The following DNMT3A variants were observed in gnomAD, a reference collection of about 807,000 sequenced individuals.
DNMT3A encodes DNA (cytosine-5)-methyltransferase 3A.
Under a neutral mutation model 117.6 loss-of-function variants are expected in DNMT3A, and 267 were observed. That is an observed-to-expected ratio of 2.27 (90% CI 2.05 to 2.51). DNMT3A has a LOEUF of 2.51. Ranked by LOEUF, DNMT3A falls within the 30% of genes most tolerant of loss-of-function variation. DNMT3A has a pLI of 0.00. For synonymous variants in DNMT3A, 432 were observed against 474.8 expected, an observed-to-expected ratio of 0.91 and a Z score of 1.17; for missense variants, 1,029 against 1,260.2, an observed-to-expected ratio of 0.82 and a Z score of 2.78.
At chr2:25,340,096 T>G (rs1319290051) in intron 1 of DNMT3A, among the ~76,000 whole-genome samples, 1 of 152,168 alleles carries the variant, frequency 6.6e-6, no homozygotes, top group Non-Finnish European at 1.5e-5. Flanking sequence ...CCCGCTGGTT[T>G]GGAGGGGGGG....
intron 1 of DNMT3A, among the ~76,000 whole-genome samples, chr2:25,329,673 CCACACACACACA>C (rs55905204): frequency 1.4e-4 from 20 of 138,392 alleles, no homozygotes; most frequent in East Asian, 2.0e-4. Context: ...CATGCAGACC[CCACACACACACA>C]CACACACACA....
In DNMT3A at chr2:25,241,631, C is replaced by T. The variant is rs1674047040; in HGVS notation, c.2013G>A (p.Thr671=). 4 of 1,614,180 alleles carry T rather than the reference C, an allele frequency of 2.5e-6. No homozygotes were observed. The highest frequency in any genetic ancestry group is 3.4e-6 in the Non-Finnish European group (4 of 1,180,024). Residue 671 remains threonine, a synonymous_variant, in exon 17 of 23, where the codon ACG becomes ACA. Transcript: ENST00000321117. ...IASEVCEDSI[T]VGMVRHQGKI... Reference sequence around the variant, plus strand: ...TCCCCTGGTGCCGCACCATGCCCACCGTGATGGAGTCCTCACACACCTCCG... The same window carrying T: ...TCCCCTGGTGCCGCACCATGCCCACTGTGATGGAGTCCTCACACACCTCCG...
intron 3 of DNMT3A, among the ~76,000 whole-genome samples, chr2:25,285,827 C>G (rs1270982261): frequency 6.6e-6 from 1 of 152,232 alleles, no homozygotes; most frequent in South Asian, 2.1e-4. Context: ...TGTCACCCTT[C>G]AAGGCTCAGT....
chr2:25,340,823 C>T (rs1292223108), intron 1 of DNMT3A, among the ~76,000 whole-genome samples: 1 of 148,832 alleles, frequency 6.7e-6, no homozygotes, highest in Non-Finnish European at 1.5e-5. Context: ...CGGTCCCGGC[C>T]CCGCTACTTC....
intron 3 of DNMT3A, among the ~76,000 whole-genome samples, chr2:25,287,319 G>A (rs1198009744): frequency 6.6e-6 from 1 of 151,976 alleles, no homozygotes; most frequent in East Asian, 1.9e-4. Flanking sequence ...CTCCCGTGGG[G>A]GGCCAGATGG....
rs753742392 is a variant in DNMT3A, at chr2:25,244,612, CCGT to C, written c.1592_1594del (p.Asp531del). On this transcript the variant is annotated inframe_deletion, in exon 14 of 23. Coordinates refer to ENST00000321117, the MANE Select transcript of DNMT3A (RefSeq NM_022552.5). ...GCAGATGGTGCAGTAGGACTGGTAG[CCGT>C]CGTCGTCGTACTGGTACGCACACTC... 3 of 1,614,162 alleles carry C rather than the reference CCGT, an allele frequency of 1.9e-6. No homozygotes were observed. Among genetic ancestry groups the C allele is most frequent in the Non-Finnish European group, 1.7e-6 (2 of 1,180,010 alleles).
Position 25,241,656 on chromosome 2 carries a change from G to C in DNMT3A, c.1988C>G (p.Ser663Trp), listed in dbSNP as rs553080210. Residue 663 changes from serine to tryptophan, a missense_variant, in exon 17 of 23, where the codon TCG (serine) becomes TGG (tryptophan). Coordinates refer to ENST00000321117, the MANE Select transcript of DNMT3A (RefSeq NM_022552.5). ...LGIQVDRYIA[S>W]EVCEDSITVG... is the part of the protein sequence containing the mutation. The stretch of plus-strand genomic sequence containing the variant: ...CGTGATGGAGTCCTCACACACCTCC[G>C]AGGCAATGTAGCGGTCCACCTGAAT... The C allele has an allele frequency of 1.9e-6, 3 of 1,614,048 alleles. No individual in the cohort carries two copies. The highest frequency in any genetic ancestry group is 2.5e-6 in the Non-Finnish European group (3 of 1,179,992).
In DNMT3A at chr2:25,248,137, TCAGTG is replaced by T. The variant is rs1471804908; in HGVS notation, c.750_754del (p.Thr251ProfsTer11). The T allele has an allele frequency of 6.2e-7, 1 of 1,613,600 alleles. No homozygotes were observed. The highest frequency in any genetic ancestry group is 8.5e-7 in the Non-Finnish European group (1 of 1,179,950). The stretch of plus-strand genomic sequence containing the variant: ...GGTAGCCACAGTGGGGGATGCGGGG[TCAGTG>T]GGCTGCTGCACAGCAGGAGGGCTGG... On this transcript the variant is annotated frameshift_variant, in exon 7 of 23. Coordinates refer to ENST00000321117, the MANE Select transcript of DNMT3A (RefSeq NM_022552.5). LOFTEE classifies it high-confidence loss of function.
intron 4 of DNMT3A, among the ~76,000 whole-genome samples, chr2:25,277,390 G>A (rs1022248570): frequency 2.0e-5 from 3 of 152,128 alleles, no homozygotes; most frequent in African/African-American, 7.2e-5. Context: ...GTGAGGCCCC[G>A]GGCTCCCAGC....
intron 3 of DNMT3A, among the ~76,000 whole-genome samples, chr2:25,283,389 T>A (rs1038811712): frequency 7.4e-5 from 11 of 148,714 alleles, no homozygotes; most frequent in Admixed American, 7.4e-4. Flanking sequence ...AAAAGCTCCT[T>A]GTGCCACCCA....
chr2:25,243,683 G>C (rs1370812495), intron 16 of DNMT3A, among the ~76,000 whole-genome samples: 2 of 152,256 alleles, frequency 1.3e-5, no homozygotes, highest in Non-Finnish European at 2.9e-5. Flanking sequence ...CCAGCAGGCA[G>C]GCTGCTTTAC....
At chr2:25,245,122 G>A (rs1674584327) in intron 13 of DNMT3A, 131 bp downstream of exon 13, 3 of 781,862 alleles carry the variant, frequency 3.8e-6, no homozygotes, top group Non-Finnish European at 6.2e-6. Context: ...GCTTCCAGAG[G>A]AAGCTCTGAA....
intron 1 of DNMT3A, among the ~76,000 whole-genome samples, chr2:25,326,104 ATATATGTGTGTGTGTG>A (rs1346641933): frequency 2.7e-5 from 3 of 110,014 alleles, no homozygotes; most frequent in African/African-American, 1.2e-4. Flanking sequence ...TTAACTTGAT[ATATATGTGTGTGTGTG>A]TGTGTGTGTG....
At chr2:25,271,245 G>A (rs1424459786) in intron 6 of DNMT3A, among the ~76,000 whole-genome samples, 1 of 152,206 alleles carries the variant, frequency 6.6e-6, no homozygotes, top group Non-Finnish European at 1.5e-5. Flanking sequence ...CACTCGGGAG[G>A]CTGAGGCAGG....
rs1218552501 is a variant in DNMT3A, at chr2:25,244,321, C to A, written c.1685G>T (p.Cys562Phe). Residue 562 changes from cysteine to phenylalanine, a missense_variant, in exon 15 of 23, where the codon TGT becomes TTT. Cys to Phe is a radical substitution (Grantham distance 205). Coordinates refer to ENST00000321117, the MANE Select transcript of DNMT3A (RefSeq NM_022552.5). The part of the protein sequence containing the change: ...NNCCRCFCVE[C>F]VDLLVGPGAA... ...CCCCGGCCCCACCAAGAGGTCCACA[C>A]ACTCCACGCAAAAGCACCTGGAAGG... 6.2e-7 allele frequency: 1 copy of A among 1,608,246 alleles called. No individual in the cohort carries two copies. Among genetic ancestry groups the A allele is most frequent in the Non-Finnish European group, 8.5e-7 (1 of 1,177,498 alleles).
chr2:25,329,776 T>C (rs1176376680), intron 1 of DNMT3A, among the ~76,000 whole-genome samples: 4 of 150,976 alleles, frequency 2.6e-5, no homozygotes, highest in African/African-American at 9.8e-5. Context: ...AATGCAGAGA[T>C]GACCCAGGCG....
chr2:25,268,840 G>C (rs559331613), intron 6 of DNMT3A, among the ~76,000 whole-genome samples: 18 of 152,182 alleles, frequency 1.2e-4, no homozygotes, highest in Non-Finnish European at 2.1e-4. Flanking sequence ...GGAAATCTAA[G>C]ATCTCATGTT....
Position 25,341,809 on chromosome 2 carries a change from G to C in DNMT3A, c.-178+17C>G. ...TCCGGGCCGGCCTTCCGGGCCGCCAGCAGCGGCGCTCATTACCGTATGGCC... is the reference window on the plus strand; with the variant it reads ...TCCGGGCCGGCCTTCCGGGCCGCCACCAGCGGCGCTCATTACCGTATGGCC... On this transcript the variant is annotated intron_variant, in intron 1 of 22. Transcript: ENST00000321117. 2 of 979,342 alleles carry C rather than the reference G, an allele frequency of 2.0e-6. No homozygotes were observed. The highest frequency in any genetic ancestry group is 3.5e-5 in the African/African-American group (2 of 56,362). The allele number at this position is 979,342 out of a possible 1,614,324, so 60.7% of individuals were successfully genotyped here.
At position 25,337,325 on chromosome 2, in the gene DNMT3A, C is replaced by T. The variant is rs979201831; in HGVS notation, c.-178+4501G>A. ...AAGGTGGACGAGGCTTCTTAGAGCA[C>T]TTCCTGCAGTGCTAGTCCACGTGAG... is the stretch of plus-strand genomic sequence containing the variant. On this transcript the variant is annotated intron_variant, in intron 1 of 22. Coordinates refer to ENST00000321117, the MANE Select transcript of DNMT3A (RefSeq NM_022552.5). The surrounding 1 kb of genome is among the most constrained non-coding windows in gnomAD (Gnocchi z 5.0). Among the ~76,000 whole-genome samples, 4 of 152,208 alleles carry T rather than the reference C, an allele frequency of 2.6e-5. No homozygotes were observed. The highest frequency in any genetic ancestry group is 2.6e-4 in the Admixed American group (4 of 15,284).
Sources: allele counts gnomAD v4.1 joint callset (sites outside exome capture counted in the v4.1 genomes callset), GRCh38; gene constraint gnomAD v4.1.1; non-coding constraint Gnocchi (gnomAD v3.1); transcripts MANE v1.5; gene names NCBI Gene and HGNC (gene_info 2026-07-23, HGNC 2026-07-21).